The following RGS5 variants were observed in gnomAD, a reference collection of about 807,000 sequenced individuals.
The protein encoded by RGS5 is regulator of G-protein signalling 5.
A neutral mutation model predicts 18.9 loss-of-function variants in RGS5; 20 were observed. The observed-to-expected ratio is 1.06, with a 90% CI of 0.74 to 1.54. The LOEUF (loss-of-function observed/expected upper bound fraction) is 1.54. Among genes scored for constraint, RGS5 ranks in the 40% most tolerant of loss-of-function variants. The probability of loss-of-function intolerance (pLI) is 0.00; values close to 1 mark genes in which losing one functional copy is unlikely to be tolerated. For synonymous variants in RGS5, 57 were observed against 76.2 expected (o/e 0.75, Z 1.31); for missense variants, 201 against 211.8 (o/e 0.95, Z 0.32).
In RGS5 at chr1:163,282,365, A is replaced by G. The variant is rs116103094; in HGVS notation, c.-281+23868T>C. Among the ~76,000 whole-genome samples, 483 of 152,272 alleles carry G rather than the reference A, an allele frequency of 3.2e-3. 4 individuals are homozygous for G. Among genetic ancestry groups the G allele is most frequent in the Admixed American group, 5.3e-3 (81 of 15,282 alleles). ...CAACATTACTAATCATCAGGAAATT[A>G]AAACCACAATGAGATATCATCTCCC... On this transcript the variant is annotated intron_variant, in intron 2 of 5. Coordinates refer to the RGS5 transcript ENST00000618415.
chr1:163,308,363 T>G lies in RGS5; in HGVS notation c.-377-2034A>C, dbSNP rs541997683. Among the ~76,000 whole-genome samples the G allele has an allele frequency of 4.6e-5, 7 of 152,234 alleles. No individual in the cohort carries two copies. In the South Asian group the frequency reaches 1.5e-3, roughly 32 times the overall value. On this transcript the variant is annotated intron_variant, in intron 1 of 5. Coordinates refer to the RGS5 transcript ENST00000618415. ...CCAACTATGAGATTATTTGAATAAG[T>G]ACAAGGAAAAGTTAGACACTGACAC...
chr1:163,202,933 T>G, upstream of RGS5: 1 of 1,148,020 alleles, frequency 8.7e-7, no homozygotes, highest in Non-Finnish European at 1.3e-6. Context: ...CCTTTCCTCC[T>G]GAGGTATATA....
chr1:163,243,393 A>C (rs1018598424), intron 2 of RGS5, among the ~76,000 whole-genome samples: 1 of 152,034 alleles, frequency 6.6e-6, no homozygotes, highest in African/African-American at 2.4e-5. Context: ...CACATCTGTA[A>C]TCCCAGCACT....
intron 1 of RGS5, among the ~76,000 whole-genome samples, chr1:163,175,591 G>T (rs898120031): frequency 6.6e-6 from 1 of 152,144 alleles, no homozygotes; most frequent in African/African-American, 2.4e-5. Context: ...AGGCAGTGCC[G>T]GGTGATTGTG....
At chr1:163,253,579 G>C (rs542158903) in intron 2 of RGS5, among the ~76,000 whole-genome samples, 2 of 151,028 alleles carry the variant, frequency 1.3e-5, no homozygotes, top group African/African-American at 2.4e-5. Context: ...CAAAGTTCTG[G>C]GATTACAGGC....
intron 2 of RGS5, among the ~76,000 whole-genome samples, chr1:163,255,900 A>G (rs553357536): frequency 3.5e-4 from 53 of 152,302 alleles, no homozygotes; most frequent in African/African-American, 1.2e-3. Context: ...GCCTTTGACA[A>G]AATTCAACAA....
chr1:163,157,519 C>T (rs1657631970), intron 3 of RGS5, among the ~76,000 whole-genome samples: 1 of 152,092 alleles, frequency 6.6e-6, no homozygotes, highest in African/African-American at 2.4e-5. Context: ...AGCTTGGTAC[C>T]AATTAACTTC....
intron 1 of RGS5, among the ~76,000 whole-genome samples, chr1:163,198,420 T>C (rs1659652469): frequency 6.6e-6 from 1 of 152,094 alleles, no homozygotes; most frequent in Non-Finnish European, 1.5e-5. Flanking sequence ...CTGCACTGGT[T>C]CCTTTATATT....
At chr1:163,157,600 T>A (rs781500230) in intron 3 of RGS5, among the ~76,000 whole-genome samples, 2 of 152,156 alleles carry the variant, frequency 1.3e-5, no homozygotes, top group Non-Finnish European at 2.9e-5. Context: ...ACATCAACTG[T>A]GAAAGTCAAT....
intron 2 of RGS5, among the ~76,000 whole-genome samples, chr1:163,299,324 A>G (rs1296806333): frequency 6.6e-6 from 1 of 152,194 alleles, no homozygotes; most frequent in Non-Finnish European, 1.5e-5. Context: ...CTAAGTGCCT[A>G]TCTTGTACTT....
intron 1 of RGS5, among the ~76,000 whole-genome samples, chr1:163,187,075 G>A (rs568297947): frequency 5.3e-4 from 80 of 152,166 alleles, no homozygotes; most frequent in African/African-American, 1.9e-3. Context: ...TGGCAGTTAT[G>A]TATCCCTTTC....
intron 3 of RGS5, among the ~76,000 whole-genome samples, chr1:163,156,294 C>A (rs1415737786): frequency 6.6e-6 from 1 of 152,092 alleles, no homozygotes; most frequent in African/African-American, 2.4e-5. Flanking sequence ...ATAAATAATT[C>A]ATATAAAATT....
rs1340706962 is a variant in RGS5, at chr1:163,144,976, TATAG to T, written c.*2362_*2365del. 7.9e-5 allele frequency: 12 copies of T among 152,298 alleles called. No homozygotes were observed. Among genetic ancestry groups the T allele is most frequent in the South Asian group, 2.1e-4 (1 of 4,824 alleles). 9.4% of individuals were successfully genotyped at this position (152,298 alleles called of 1,614,324 possible). ...AAATGTAAGATTATATAGATGTAGA[TATAG>T]ATAGATAGATATATGTAGATATATA... On this transcript the variant is annotated 3_prime_UTR_variant, in exon 5 of 5. Coordinates refer to ENST00000313961, the MANE Select transcript of RGS5 (RefSeq NM_003617.4).
chr1:163,286,126 A>C (rs1017406238), intron 2 of RGS5, among the ~76,000 whole-genome samples: 31 of 152,150 alleles, frequency 2.0e-4, no homozygotes, highest in Admixed American at 2.0e-4. Flanking sequence ...ATTTGGAAAA[A>C]AAACCCCCAA....
chr1:163,204,211 T>C (rs1659882662), upstream of RGS5, among the ~76,000 whole-genome samples: 1 of 152,138 alleles, frequency 6.6e-6, no homozygotes, highest in Admixed American at 6.6e-5. Context: ...AAATTTTGAC[T>C]TTAATTATCA....
intron 3 of RGS5, among the ~76,000 whole-genome samples, chr1:163,160,055 T>A (rs1657742223): frequency 6.6e-6 from 1 of 152,172 alleles, no homozygotes; most frequent in African/African-American, 2.4e-5. Context: ...ACTAACTGCC[T>A]CTAGCTTAAC....
chr1:163,167,736 T>C (rs1473462654), intron 2 of RGS5, among the ~76,000 whole-genome samples: 2 of 152,192 alleles, frequency 1.3e-5, no homozygotes, highest in Non-Finnish European at 1.5e-5. Flanking sequence ...TGTTCCTCTG[T>C]TGGAACTTGA....
At chr1:163,297,480 T>C (rs1649450570) in intron 2 of RGS5, among the ~76,000 whole-genome samples, 1 of 152,150 alleles carries the variant, frequency 6.6e-6, no homozygotes, top group Admixed American at 6.6e-5. Context: ...CCTGACTCCC[T>C]TTCCCTAATT....
At chr1:163,264,078 C>G (rs1432579930) in intron 2 of RGS5, among the ~76,000 whole-genome samples, 3 of 151,948 alleles carry the variant, frequency 2.0e-5, no homozygotes, top group African/African-American at 7.2e-5. Context: ...TTAATCATTG[C>G]CTCAGGGAAA....
Sources: allele counts gnomAD v4.1 joint callset (sites outside exome capture counted in the v4.1 genomes callset), GRCh38; gene constraint gnomAD v4.1.1; transcripts MANE v1.5; gene names NCBI Gene and HGNC (gene_info 2026-07-23, HGNC 2026-07-21).